AR: variants seen among roughly 807,000 people sequenced by gnomAD.
The protein encoded by AR is androgen receptor, also known as dihydrotestosterone receptor.
A neutral mutation model predicts 53.9 loss-of-function variants in AR; 8 were observed. The observed-to-expected ratio is 0.15, with a 90% CI of 0.09 to 0.27. The LOEUF is 0.27. Among genes scored for constraint, AR ranks in the 10% least tolerant of loss-of-function variants. AR has a pLI of 1.00. For missense variants in AR, 639 were observed against 742.5 expected (o/e 0.86, Z 1.62); for synonymous variants, 359 against 316.4 (o/e 1.13, Z -1.43).
chrX:67,572,009 C>T (rs1311098173), intron 1 of AR, among the ~76,000 whole-genome samples: 2 of 110,882 alleles, frequency 1.8e-5, no homozygotes, highest in African/African-American at 3.3e-5. Context: ...TTTCAAACCT[C>T]GATTTTCTCA....
At chrX:67,712,445 T>G (rs1425573106) in intron 4 of AR, among the ~76,000 whole-genome samples, 1 of 112,650 alleles carries the variant, frequency 8.9e-6, no homozygotes, top group Non-Finnish European at 1.9e-5. Flanking sequence ...TTCTTTCTTA[T>G]GTCATCTGTT....
At chrX:67,619,812 G>A (rs1313305947) in intron 1 of AR, among the ~76,000 whole-genome samples, 1 of 110,340 alleles carries the variant, frequency 9.1e-6, no homozygotes, top group Non-Finnish European at 1.9e-5. Flanking sequence ...GATGGGGTAG[G>A]GGATTTTTTA....
At chrX:67,564,158 T>G (rs1339946560) in intron 1 of AR, among the ~76,000 whole-genome samples, 1 of 111,594 alleles carries the variant, frequency 9.0e-6, no homozygotes, top group East Asian at 2.8e-4. Flanking sequence ...ATTAAAACAT[T>G]TTTTTAACAG....
intron 2 of AR, among the ~76,000 whole-genome samples, chrX:67,645,747 C>A (rs1216278556): frequency 9.1e-6 from 1 of 110,442 alleles, no homozygotes; most frequent in African/African-American, 3.3e-5. Context: ...CACACGCACA[C>A]AAACACACAC....
chrX:67,713,578 A>C (rs971912956), intron 4 of AR, among the ~76,000 whole-genome samples: 25 of 111,914 alleles, frequency 2.2e-4, no homozygotes, highest in African/African-American at 8.1e-4. Context: ...TGAATCATAG[A>C]GACTATTATT....
chrX:67,640,340 A>T (rs11797145), intron 1 of AR, among the ~76,000 whole-genome samples: 24 of 110,840 alleles, frequency 2.2e-4, no homozygotes, highest in Non-Finnish European at 4.0e-4. Flanking sequence ...CCATAAAATG[A>T]GTTAGGGAGG....
chrX:67,702,352 C>A (rs1043841238), intron 3 of AR, among the ~76,000 whole-genome samples: 2 of 111,214 alleles, frequency 1.8e-5, no homozygotes, highest in Non-Finnish European at 3.8e-5. Flanking sequence ...GGAGCAGATC[C>A]TGTAGGCCAC....
At chrX:67,574,072 C>T (rs1200067399) in intron 1 of AR, among the ~76,000 whole-genome samples, 2 of 111,358 alleles carry the variant, frequency 1.8e-5, no homozygotes, top group African/African-American at 3.3e-5. Flanking sequence ...TGGAAGTGTA[C>T]GGAAAATAGG....
At chrX:67,578,179 T>C (rs1922140826) in intron 1 of AR, among the ~76,000 whole-genome samples, 1 of 111,620 alleles carries the variant, frequency 9.0e-6, no homozygotes, top group Admixed American at 9.5e-5. Flanking sequence ...TTCTTTTTGT[T>C]TTGCCTTATG....
chrX:67,672,382 GGTT>G (rs1341622769), intron 2 of AR, among the ~76,000 whole-genome samples: 3 of 110,716 alleles, frequency 2.7e-5, no homozygotes, highest in Non-Finnish European at 5.7e-5. Flanking sequence ...CCTGCCATTT[GGTT>G]GTTTTCTGGT....
chrX:67,661,484 G>T (rs1357150759), intron 2 of AR, among the ~76,000 whole-genome samples: 1 of 111,549 alleles, frequency 9.0e-6, no homozygotes, highest in African/African-American at 3.3e-5. Context: ...TGTGGTTTTT[G>T]TCGTTGGTTC....
chrX:67,701,596 C>T lies in AR; in HGVS notation c.1886-9806C>T, dbSNP rs778510305. On this transcript the variant is annotated intron_variant, in intron 3 of 7. Transcript: ENST00000374690. The stretch of plus-strand genomic sequence containing the variant: ...AATGCCTTCTAGGTGTGTGTATGCA[C>T]GCTTGCAGACATGTGCCCATGCACA... Among the ~76,000 whole-genome samples, 6 of 111,605 alleles carry T rather than the reference C, an allele frequency of 5.4e-5. No homozygotes were observed. In the East Asian group the frequency reaches 1.1e-3, roughly 21 times the overall value.
At chrX:67,654,327 A>G (rs1031675149) in intron 2 of AR, among the ~76,000 whole-genome samples, 3 of 111,388 alleles carry the variant, frequency 2.7e-5, no homozygotes, top group African/African-American at 9.8e-5. Flanking sequence ...GATGGTATCT[A>G]TGGTATTCCC....
In AR at chrX:67,546,341, T is replaced by C. The variant is rs774645775; in HGVS notation, c.1195T>C (p.Trp399Arg). 1.4e-4 allele frequency: 172 copies of C among 1,189,568 alleles called. 1 individual carries two copies. The highest frequency in any genetic ancestry group is 2.7e-5 in the Non-Finnish European group (24 of 885,607). Residue 399 changes from tryptophan to arginine, a missense_variant, in exon 1 of 8, where the codon TGG becomes CGG. Physicochemically the swap from Trp to Arg is moderately radical, Grantham distance 101. Transcript: ENST00000374690. ...LENPLDYGSA[W>R]AAAAAQCRYG... ...GAACCCGCTGGACTACGGCAGCGCCTGGGCGGCTGCGGCGGCGCAGTGCCG... is the reference window on the plus strand; with the variant it reads ...GAACCCGCTGGACTACGGCAGCGCCCGGGCGGCTGCGGCGGCGCAGTGCCG...
intron 2 of AR, among the ~76,000 whole-genome samples, chrX:67,662,699 C>T (rs1307762846): frequency 9.0e-6 from 1 of 111,145 alleles, no homozygotes; most frequent in African/African-American, 3.3e-5. Context: ...CTGTAGATGT[C>T]TGTTAGGTCT....
At chrX:67,649,994 A>T (rs1474563540) in intron 2 of AR, among the ~76,000 whole-genome samples, 1 of 111,904 alleles carries the variant, frequency 8.9e-6, no homozygotes, top group Non-Finnish European at 1.9e-5. Context: ...TAGGAATACA[A>T]CTCACAAGGG....
chrX:67,706,079 TTCA>T (rs952375345), intron 3 of AR, among the ~76,000 whole-genome samples: 8 of 112,137 alleles, frequency 7.1e-5, no homozygotes, highest in African/African-American at 2.3e-4. Flanking sequence ...TGCATCGATA[TTCA>T]TCAGGGATAT....
chrX:67,689,970 T>C (rs1026401318), intron 3 of AR, among the ~76,000 whole-genome samples: 1 of 111,852 alleles, frequency 8.9e-6, no homozygotes, highest in African/African-American at 3.2e-5. Context: ...TCCTTCCCAC[T>C]TTCCTCCTAT....
chrX:67,631,165 T>C (rs1377133781), intron 1 of AR, among the ~76,000 whole-genome samples: 1 of 111,268 alleles, frequency 9.0e-6, no homozygotes, highest in Non-Finnish European at 1.9e-5. Flanking sequence ...TCTCTGTATT[T>C]CCTGAATCTG....
Sources: allele counts gnomAD v4.1 joint callset (sites outside exome capture counted in the v4.1 genomes callset), GRCh38; gene constraint gnomAD v4.1.1; transcripts MANE v1.5; gene names NCBI Gene and HGNC (gene_info 2026-07-23, HGNC 2026-07-21).